OSBPL10: variants seen among roughly 807,000 people sequenced by gnomAD.
OSBPL10 encodes oxysterol-binding protein-related protein 10.
OSBPL10 carries 49 observed loss-of-function variants against 81.7 expected under a neutral mutation model. The observed-to-expected ratio is 0.60, with a 90% CI of 0.48 to 0.76. The LOEUF is 0.76. Ranked by LOEUF, OSBPL10 falls within the 30% of genes least tolerant of loss-of-function variation. OSBPL10 has a pLI of 0.00. For missense variants in OSBPL10, 923 were observed against 987.8 expected, an observed-to-expected ratio of 0.93 and a Z score of 0.88; for synonymous variants, 419 against 383.6, an observed-to-expected ratio of 1.09 and a Z score of -1.08.
chr3:32,035,122 C>T (rs559366457), intron 2 of OSBPL10, among the ~76,000 whole-genome samples: 8 of 152,086 alleles, frequency 5.3e-5, no homozygotes, highest in African/African-American at 1.7e-4. Context: ...AGAGTGGGGC[C>T]GTAGGATATA....
chr3:31,869,272 G>A (rs1327572749), intron 3 of OSBPL10, among the ~76,000 whole-genome samples: 1 of 152,200 alleles, frequency 6.6e-6, no homozygotes, highest in Non-Finnish European at 1.5e-5. Context: ...TGGCAGAGCA[G>A]GGATTTAAAC....
intron 6 of OSBPL10, among the ~76,000 whole-genome samples, chr3:31,723,539 T>TAC (rs35189802): frequency 0.041 from 5,166 of 125,012 alleles, 131 homozygotes; most frequent in East Asian, 0.12. Context: ...CTCTGTTTCT[T>TAC]ACACACACAC....
At chr3:31,900,299 T>TC (rs1202689135) in intron 1 of OSBPL10, among the ~76,000 whole-genome samples, 2 of 152,120 alleles carry the variant, frequency 1.3e-5, no homozygotes, top group Non-Finnish European at 2.9e-5. Flanking sequence ...CACCTTGGCC[T>TC]CCCAAAGTGC....
intron 7 of OSBPL10, 30 bp downstream of exon 7, chr3:31,702,329 A>G: frequency 6.2e-7 from 1 of 1,610,080 alleles, no homozygotes; most frequent in Non-Finnish European, 8.5e-7. Context: ...CCAACAACTG[A>G]CCACAAATCC....
chr3:31,874,708 C>T (rs939365239), intron 3 of OSBPL10, among the ~76,000 whole-genome samples: 4 of 152,112 alleles, frequency 2.6e-5, no homozygotes, highest in African/African-American at 7.2e-5. Context: ...ATGTTAGTAA[C>T]GCCCGTTAAT....
chr3:31,789,161 T>A (rs1232731921), intron 4 of OSBPL10, among the ~76,000 whole-genome samples: 1 of 152,164 alleles, frequency 6.6e-6, no homozygotes, highest in African/African-American at 2.4e-5. Context: ...GTATGTTTAG[T>A]AGAGAGGGGT....
intron 4 of OSBPL10, among the ~76,000 whole-genome samples, chr3:31,800,534 C>T (rs1699353214): frequency 6.6e-6 from 1 of 152,218 alleles, no homozygotes; most frequent in Non-Finnish European, 1.5e-5. Flanking sequence ...AGGCTAAACA[C>T]TCAACCTAAG....
At chr3:31,713,456 G>A (rs1323945280) in intron 6 of OSBPL10, among the ~76,000 whole-genome samples, 2 of 152,026 alleles carry the variant, frequency 1.3e-5, no homozygotes, top group Non-Finnish European at 2.9e-5. Flanking sequence ...GAGTGCAGCG[G>A]TGTGATCTTG....
rs1700260455 is a variant in OSBPL10, at chr3:31,668,829, A to G, written c.1914-5T>C. On this transcript the variant is annotated splice_polypyrimidine_tract_variant and splice_region_variant and intron_variant, in intron 9 of 11. Transcript: ENST00000396556. ...TGCTTCACTTCTGCGGTAACCCTGA[A>G]TTAATGAGTCAAATGAGTACACACT... 6.2e-7 allele frequency: 1 copy of G among 1,601,456 alleles called. No individual in the cohort carries two copies. Among genetic ancestry groups the G allele is most frequent in the Non-Finnish European group, 8.5e-7 (1 of 1,172,112 alleles).
chr3:31,702,816 T>C (rs530775888), intron 6 of OSBPL10, among the ~76,000 whole-genome samples: 2 of 152,334 alleles, frequency 1.3e-5, no homozygotes, highest in African/African-American at 4.8e-5. Context: ...TGAGCCCCCT[T>C]CATTTTGCCT....
At chr3:31,683,144 G>T (rs1287877974) in intron 8 of OSBPL10, among the ~76,000 whole-genome samples, 1 of 152,216 alleles carries the variant, frequency 6.6e-6, no homozygotes, top group African/African-American at 2.4e-5. Flanking sequence ...CCAGTGGCGT[G>T]ATTATACTAT....
chr3:31,847,499 C>G (rs1031560452), intron 3 of OSBPL10, among the ~76,000 whole-genome samples: 1 of 152,202 alleles, frequency 6.6e-6, no homozygotes, highest in Middle Eastern at 3.4e-3. Flanking sequence ...TATTACTTCT[C>G]TCACTGTGGT....
intron 8 of OSBPL10, among the ~76,000 whole-genome samples, chr3:31,672,932 G>C (rs1700362580): frequency 6.6e-6 from 1 of 152,144 alleles, no homozygotes; most frequent in African/African-American, 2.4e-5. Context: ...ACATAATTGA[G>C]TACATTTAAT....
At chr3:31,753,405 G>A (rs1316292448) in intron 4 of OSBPL10, among the ~76,000 whole-genome samples, 5 of 151,928 alleles carry the variant, frequency 3.3e-5, no homozygotes, top group Admixed American at 1.3e-4. Flanking sequence ...GGCTGGTCTC[G>A]AACTCCTGAC....
At chr3:31,737,648 C>A (rs1423549422) in intron 5 of OSBPL10, among the ~76,000 whole-genome samples, 1 of 152,124 alleles carries the variant, frequency 6.6e-6, no homozygotes, top group African/African-American at 2.4e-5. Context: ...TAAGGCGGCT[C>A]TACCAATCTG....
intron 6 of OSBPL10, among the ~76,000 whole-genome samples, chr3:31,727,585 G>A (rs767145135): frequency 2.0e-5 from 3 of 152,106 alleles, no homozygotes; most frequent in Non-Finnish European, 2.9e-5. Flanking sequence ...GTTATCACAG[G>A]ATTCAATAAA....
intron 6 of OSBPL10, among the ~76,000 whole-genome samples, chr3:31,731,582 G>A (rs1696973666): frequency 6.6e-6 from 1 of 151,706 alleles, no homozygotes; most frequent in Non-Finnish European, 1.5e-5. Context: ...TCTGCCTCCT[G>A]GGTTGAAGCG....
intron 5 of OSBPL10, among the ~76,000 whole-genome samples, chr3:31,745,709 G>C (rs911734382): frequency 6.6e-6 from 1 of 152,108 alleles, no homozygotes; most frequent in Admixed American, 6.5e-5. Flanking sequence ...ATTGTTTTGT[G>C]TCCCAGCATA....
intron 5 of OSBPL10, among the ~76,000 whole-genome samples, chr3:31,739,691 A>G (rs1697281971): frequency 6.6e-6 from 1 of 152,104 alleles, no homozygotes; most frequent in Non-Finnish European, 1.5e-5. Flanking sequence ...GAGAGCCCTC[A>G]CCAGAAACTT....
Sources: gnomAD v4.1 joint callset for allele counts (sites outside exome capture counted in the v4.1 genomes callset) on GRCh38, gnomAD v4.1.1 for gene constraint, MANE v1.5 for transcripts, NCBI Gene and HGNC (gene_info 2026-07-23, HGNC 2026-07-21) for gene names.